Variants in TENM4 observed in about 807,000 individuals in gnomAD.
The protein encoded by TENM4 is teneurin-4.
TENM4 carries 82 observed loss-of-function variants against 243.3 expected under a neutral mutation model. The observed-to-expected ratio is 0.34, with a 90% confidence interval of 0.28 to 0.40. The LOEUF is 0.40. Among genes scored for constraint, TENM4 ranks in the 10% least tolerant of loss-of-function variants. The pLI, the probability that TENM4 is intolerant of heterozygous loss-of-function variation, is 1.00. For synonymous variants in TENM4, 1,412 were observed against 1,456.3 expected (o/e 0.97, Z 0.69); for missense variants, 3,138 against 3,673.3 (o/e 0.85, Z 3.77).
chr11:79,141,580 C>T (rs928936797), intron 4 of TENM4, among the ~76,000 whole-genome samples: 3 of 151,990 alleles, frequency 2.0e-5, no homozygotes, highest in African/African-American at 7.2e-5. Flanking sequence ...GAACTAATAC[C>T]AATCCTACTC....
At position 79,063,813 on chromosome 11, in the gene TENM4, A is replaced by G. The variant is rs1860164442; in HGVS notation, c.493+925T>C. Among the ~76,000 whole-genome samples the G allele has an allele frequency of 2.0e-5, 3 of 152,178 alleles. No individual in the cohort carries two copies. In the South Asian group the frequency reaches 6.2e-4, roughly 32 times the overall value. On this transcript the variant is annotated intron_variant, in intron 6 of 33. Coordinates refer to ENST00000278550, the MANE Select transcript of TENM4 (RefSeq NM_001098816.3). ...ACCAGGTGTCATCTTTTCCTCCCACAGCCTCTCTCAGGCCTTGGGAACGAG... is the reference window on the plus strand; with the variant it reads ...ACCAGGTGTCATCTTTTCCTCCCACGGCCTCTCTCAGGCCTTGGGAACGAG...
chr11:79,137,157 C>G (rs888012641), intron 4 of TENM4, among the ~76,000 whole-genome samples: 1 of 152,112 alleles, frequency 6.6e-6, no homozygotes, highest in African/African-American at 2.4e-5. Flanking sequence ...GAGGGAGGAG[C>G]ACTGCTATCA....
intron 1 of TENM4, among the ~76,000 whole-genome samples, chr11:79,303,406 C>T (rs547679723): frequency 2.0e-4 from 30 of 152,280 alleles, no homozygotes; most frequent in Non-Finnish European, 2.8e-4. Context: ...TGCTGCAGTG[C>T]TTATGTGTCT....
intron 26 of TENM4, among the ~76,000 whole-genome samples, chr11:78,709,385 C>A (rs1238467010): frequency 1.3e-5 from 2 of 152,154 alleles, no homozygotes; most frequent in Non-Finnish European, 2.9e-5. Flanking sequence ...TTTCTAAAGG[C>A]AGCACACTGA....
At chr11:79,067,986 A>C (rs1860308127) in intron 5 of TENM4, 1 of 152,230 alleles carries the variant, frequency 6.6e-6, no homozygotes, top group East Asian at 1.9e-4. Context: ...TGCTACGCAC[A>C]TGCCTGCCTA....
intron 3 of TENM4, among the ~76,000 whole-genome samples, chr11:79,154,038 G>A (rs576955791): frequency 6.6e-6 from 1 of 152,242 alleles, no homozygotes; most frequent in Non-Finnish European, 1.5e-5. Context: ...AAAACCTGAA[G>A]GCTTATGTCA....
intron 1 of TENM4, among the ~76,000 whole-genome samples, chr11:79,402,611 T>G (rs1043682797): frequency 2.6e-5 from 4 of 152,090 alleles, no homozygotes; most frequent in Non-Finnish European, 5.9e-5. Flanking sequence ...GGTAGGAGTG[T>G]GTTTCTGAGG....
chr11:78,823,889 G>C (rs1857792083), intron 12 of TENM4, among the ~76,000 whole-genome samples: 1 of 152,152 alleles, frequency 6.6e-6, no homozygotes, highest in African/African-American at 2.4e-5. Context: ...GATAAGTGCA[G>C]AACTTTTTGT....
chr11:78,983,545 G>A (rs1187539811), intron 6 of TENM4, among the ~76,000 whole-genome samples: 1 of 152,228 alleles, frequency 6.6e-6, no homozygotes, highest in Non-Finnish European at 1.5e-5. Context: ...ATGGCTCTAT[G>A]GGGGTTCTGA....
Position 78,657,623 on chromosome 11 carries a change from T to C in TENM4, c.*435A>G. On this transcript the variant is annotated 3_prime_UTR_variant, in exon 34 of 34. Coordinates refer to ENST00000278550, the MANE Select transcript of TENM4 (RefSeq NM_001098816.3). ...TGTTGTACTGGCCCATCACTCCCTT[T>C]ACTCCTGCCCGACCCCAGTCGAAGA... is the stretch of plus-strand genomic sequence containing the variant. 2.8e-6 allele frequency: 1 copy of C among 354,214 alleles called. No individual in the cohort carries two copies. Among genetic ancestry groups the C allele is most frequent in the African/African-American group, 2.1e-5 (1 of 47,528 alleles). 21.9% of individuals were successfully genotyped at this position (354,214 alleles called of 1,614,324 possible). A position where few individuals can be genotyped will look rare whatever the true frequency, so the allele number is the denominator to read the frequency against.
intron 1 of TENM4, among the ~76,000 whole-genome samples, chr11:79,380,504 A>C (rs1857979255): frequency 1.3e-5 from 2 of 152,222 alleles, no homozygotes; most frequent in African/African-American, 4.8e-5. Context: ...TGTTTACTGA[A>C]GAGTCATTTG....
intron 1 of TENM4, among the ~76,000 whole-genome samples, chr11:79,407,355 T>C (rs1198650391): frequency 6.6e-6 from 1 of 152,250 alleles, no homozygotes; most frequent in Non-Finnish European, 1.5e-5. Flanking sequence ...CTGTTACTAA[T>C]AATAGCTAAC....
At chr11:79,168,431 G>A (rs1016487046) in intron 3 of TENM4, among the ~76,000 whole-genome samples, 3 of 152,154 alleles carry the variant, frequency 2.0e-5, no homozygotes, top group Admixed American at 6.5e-5. Context: ...CTTCCTGGAG[G>A]AAGGGACTGC....
chr11:78,953,430 G>A (rs911225358), intron 6 of TENM4, among the ~76,000 whole-genome samples: 1 of 152,010 alleles, frequency 6.6e-6, no homozygotes, highest in Non-Finnish European at 1.5e-5. Context: ...AAACTTTTGG[G>A]GTCCAGAAAG....
At chr11:78,881,577 C>T (rs1015645132) in intron 9 of TENM4, among the ~76,000 whole-genome samples, 2 of 152,126 alleles carry the variant, frequency 1.3e-5, no homozygotes, top group Non-Finnish European at 2.9e-5. Flanking sequence ...GGGGGTAGTA[C>T]CATTCCTTGA....
chr11:79,380,580 C>A (rs921699207), intron 1 of TENM4, among the ~76,000 whole-genome samples: 7 of 152,192 alleles, frequency 4.6e-5, no homozygotes, highest in Admixed American at 2.6e-4. Context: ...TTGGGAAAAG[C>A]TGGCTTATTA....
At position 78,729,403 on chromosome 11, in the gene TENM4, T is replaced by G; in HGVS notation, c.3379A>C (p.Lys1127Gln). The G allele has an allele frequency of 6.3e-7, 1 of 1,582,648 alleles. No homozygotes were observed. Among genetic ancestry groups the G allele is most frequent in the Non-Finnish European group, 8.6e-7 (1 of 1,163,192 alleles). ...IWDKTDVYNQ[K>Q]VFGLSEAFVS... is the part of the protein sequence containing the mutation. ...AAGGCTTCTGAAAGCCCAAACACCT[T>G]CTGGTTGTAGACGTCTGTCTTGTCC... The change falls in exon 22 of 34, where the codon AAG becomes CAG. Residue 1127 changes from lysine (K) to glutamine (Q), a missense_variant. Coordinates refer to ENST00000278550, the MANE Select transcript of TENM4 (RefSeq NM_001098816.3).
At chr11:79,415,613 G>A (rs748957813) in intron 1 of TENM4, among the ~76,000 whole-genome samples, 3 of 152,152 alleles carry the variant, frequency 2.0e-5, no homozygotes, top group Non-Finnish European at 4.4e-5. Flanking sequence ...CTGGGGCTGG[G>A]AGTCAAACTC....
At chr11:79,037,105 A>C (rs1859408345) in intron 6 of TENM4, among the ~76,000 whole-genome samples, 1 of 151,644 alleles carries the variant, frequency 6.6e-6, no homozygotes, top group South Asian at 2.1e-4. Context: ...GGTGAGGATG[A>C]GGGCAGGTAG....
Sources: gnomAD v4.1 joint callset for allele counts (sites outside exome capture counted in the v4.1 genomes callset) on GRCh38, gnomAD v4.1.1 for gene constraint, MANE v1.5 for transcripts, NCBI Gene and HGNC (gene_info 2026-07-23, HGNC 2026-07-21) for gene names.